Variants in NUP85 observed in about 807,000 individuals in gnomAD.
NUP85 encodes nucleoporin 85, also known as nuclear pore complex protein Nup85.
Under a neutral mutation model 92.8 loss-of-function variants are expected in NUP85, and 23 were observed. The observed-to-expected ratio is 0.25, with a 90% CI of 0.18 to 0.35. NUP85 has a LOEUF of 0.35. Among genes scored for constraint, NUP85 ranks in the 10% least tolerant of loss-of-function variants. The pLI is 1.00. For missense variants in NUP85, 759 were observed against 822.8 expected (o/e 0.92, Z 0.95); for synonymous variants, 314 against 306.9 (o/e 1.02, Z -0.24).
At chr17:75,232,994 C>G in intron 15 of NUP85, 26 bp downstream of exon 15, 1 of 1,613,254 alleles carries the variant, frequency 6.2e-7, no homozygotes, top group East Asian at 2.2e-5. Context: ...GTTGGCTTCC[C>G]AGGGACTGGG....
chr17:75,230,263 G>A (rs1244900788), intron 11 of NUP85, among the ~76,000 whole-genome samples: 1 of 151,848 alleles, frequency 6.6e-6, no homozygotes, highest in African/African-American at 2.4e-5. Flanking sequence ...GGCTGGTCTT[G>A]AACTCCTGAG....
intron 7 of NUP85, among the ~76,000 whole-genome samples, chr17:75,220,274 G>A (rs1265387806): frequency 8.8e-6 from 1 of 113,320 alleles, no homozygotes; most frequent in South Asian, 2.5e-4. Context: ...ACAGGCGCGC[G>A]TCACCATGCC....
At chr17:75,211,919 T>C in intron 3 of NUP85, 73 bp from the exon 4 acceptor site, 1 of 1,178,270 alleles carries the variant, frequency 8.5e-7, no homozygotes, top group Non-Finnish European at 1.2e-6. Flanking sequence ...CTGCATTTAT[T>C]TGAGTGTTTC....
At chr17:75,207,424 A>G (rs1351353656) in intron 1 of NUP85, among the ~76,000 whole-genome samples, 2 of 151,788 alleles carry the variant, frequency 1.3e-5, no homozygotes, top group East Asian at 2.0e-4. Flanking sequence ...ACCTCAGGTG[A>G]TCTGCCGGCC....
intron 5 of NUP85, among the ~76,000 whole-genome samples, chr17:75,214,910 G>A (rs1332293659): frequency 1.3e-5 from 2 of 152,036 alleles, no homozygotes; most frequent in African/African-American, 2.4e-5. Flanking sequence ...GGTGGCTCAA[G>A]CCTGTAATCC....
chr17:75,217,298 A>G (rs2075459999), intron 6 of NUP85, among the ~76,000 whole-genome samples: 4 of 151,730 alleles, frequency 2.6e-5, no homozygotes, highest in Admixed American at 2.6e-4. Context: ...GGGCTCAAGC[A>G]GTCTGCCCAT....
At chr17:75,233,268 C>T (rs1030295218) in intron 16 of NUP85, 110 bp downstream of exon 16, 12 of 816,904 alleles carry the variant, frequency 1.5e-5, no homozygotes, top group Non-Finnish European at 2.4e-5. Flanking sequence ...ATTCCCATTG[C>T]ATCAGTGGTC....
At chr17:75,220,656 C>T (rs2075571275) in intron 7 of NUP85, among the ~76,000 whole-genome samples, 1 of 151,858 alleles carries the variant, frequency 6.6e-6, no homozygotes, top group South Asian at 2.1e-4. Context: ...GGCGCTATCT[C>T]AGTTCACTGC....
At position 75,234,715 on chromosome 17, in the gene NUP85, C is replaced by T. The variant is rs1292119479; in HGVS notation, c.1694C>T (p.Thr565Met). ...DAASLLLSLMTSRIAPRSFWM... is the reference protein window; with the variant it reads ...DAASLLLSLMMSRIAPRSFWM... ...GCTTCTCTCCTTCTGTCCTTGATGA[C>T]GTCTCGGATTGCCCCTCGGTCTTTC... is the stretch of plus-strand genomic sequence containing the variant. Residue 565 changes from threonine (T) to methionine (M), a missense_variant, in exon 17 of 19, where the codon ACG becomes ATG. Physicochemically the swap from Thr to Met is moderately conservative, Grantham distance 81. Transcript: ENST00000245544. 10 of 1,614,170 alleles carry T rather than the reference C, an allele frequency of 6.2e-6. No individual in the cohort carries two copies. Among genetic ancestry groups the T allele is most frequent in the South Asian group, 3.3e-5 (3 of 91,080 alleles).
At chr17:75,228,912 G>A in intron 11 of NUP85, 2 of 985,432 alleles carry the variant, frequency 2.0e-6, no homozygotes, top group Non-Finnish European at 2.4e-6. Flanking sequence ...CAGTGCCTGG[G>A]TGGGCATGCT....
intron 1 of NUP85, among the ~76,000 whole-genome samples, chr17:75,206,879 T>C (rs1325338464): frequency 6.6e-6 from 1 of 151,636 alleles, no homozygotes. Context: ...TTGTACTTTT[T>C]TGTATTTTTA....
chr17:75,233,198 G>A lies in NUP85; in HGVS notation c.1615+40G>A, dbSNP rs111771208. On this transcript the variant is annotated intron_variant, in intron 16 of 18. Coordinates refer to ENST00000245544, the MANE Select transcript of NUP85 (RefSeq NM_024844.5). Reference sequence around the variant, plus strand: ...TTTGTGCCCTGTGCTTTGGGCACAAGTGGGTAGTTGGGGAGGTTGGAGGGA... The same window carrying A: ...TTTGTGCCCTGTGCTTTGGGCACAAATGGGTAGTTGGGGAGGTTGGAGGGA... 6 of 1,555,132 alleles carry A rather than the reference G, an allele frequency of 3.9e-6. No homozygotes were observed. The African/African-American group carries it at 5.4e-5, about 14-fold the overall frequency.
intron 4 of NUP85, among the ~76,000 whole-genome samples, chr17:75,212,371 C>T (rs952887636): frequency 5.4e-5 from 8 of 147,164 alleles, no homozygotes; most frequent in African/African-American, 7.6e-5. Context: ...CAGGTTCAAA[C>T]GATTCTCTAG....
chr17:75,232,397 CCTCA>C (rs1568093738), intron 14 of NUP85, among the ~76,000 whole-genome samples: 2 of 152,140 alleles, frequency 1.3e-5, no homozygotes, highest in African/African-American at 4.8e-5. Flanking sequence ...TCATTTCTCC[CCTCA>C]CTGTTGAGTA....
rs1465519133 is a variant in NUP85, at chr17:75,233,380, TC to T, written c.1615+223del. Among the ~76,000 whole-genome samples, 35 of 60,584 alleles carry T rather than the reference TC, an allele frequency of 5.8e-4. 2 individuals carry two copies. In the South Asian group the frequency reaches 0.013, roughly 22 times the overall value. 39.7% of individuals were successfully genotyped at this position (60,584 alleles called of 152,430 possible). A position where few individuals can be genotyped will look rare whatever the true frequency, so the allele number is the denominator to read the frequency against. ...TTGTTTGTTTGTTTTTCTTTCTTTC[TC>T]TCTTTCTTTCTCTTTCTCTTTCTCT... is the stretch of plus-strand genomic sequence containing the variant. On this transcript the variant is annotated intron_variant, in intron 16 of 18. Transcript: ENST00000245544.
At chr17:75,230,377 T>TTTTTA (rs2076004388) in intron 11 of NUP85, among the ~76,000 whole-genome samples, 1 of 148,716 alleles carries the variant, frequency 6.7e-6, no homozygotes, top group African/African-American at 2.5e-5. Flanking sequence ...TTTTTTTTTT[T>TTTTTA]GAGATGGAGT....
chr17:75,223,706 A>G (rs1324317472), intron 7 of NUP85, among the ~76,000 whole-genome samples: 1 of 151,890 alleles, frequency 6.6e-6, no homozygotes, highest in East Asian at 1.9e-4. Context: ...TTTATTTTAC[A>G]TATTTATATT....
chr17:75,230,282 A>G (rs1206646672), intron 11 of NUP85, among the ~76,000 whole-genome samples: 1 of 151,254 alleles, frequency 6.6e-6, no homozygotes, highest in Non-Finnish European at 1.5e-5. Flanking sequence ...AGCTCAAGTG[A>G]TCCACCCGCC....
In NUP85 at chr17:75,227,937, G is replaced by A. The variant is rs145439136; in HGVS notation, c.1094+1780G>A. The A allele has an allele frequency of 2.8e-3, 428 of 153,168 alleles. 1 individual carries two copies. The highest frequency in any genetic ancestry group is 9.0e-3 in the African/African-American group (374 of 41,546). 9.5% of individuals were successfully genotyped at this position (153,168 alleles called of 1,614,324 possible). The stretch of plus-strand genomic sequence containing the variant: ...ATTACAGGCGTAAGCCACCATGCCC[G>A]GCCTGAAAGTCAAGTTTTGTGTCAA... On this transcript the variant is annotated intron_variant, in intron 11 of 18. Coordinates refer to ENST00000245544, the MANE Select transcript of NUP85 (RefSeq NM_024844.5).
Sources: gnomAD v4.1 joint callset for allele counts (sites outside exome capture counted in the v4.1 genomes callset) on GRCh38, gnomAD v4.1.1 for gene constraint, MANE v1.5 for transcripts, NCBI Gene and HGNC (gene_info 2026-07-23, HGNC 2026-07-21) for gene names.